Variants in PTPRM observed in about 807,000 individuals in gnomAD.
PTPRM encodes the protein receptor-type tyrosine-protein phosphatase mu.
PTPRM carries 47 observed loss-of-function variants against 186.7 expected under a neutral mutation model. The observed-to-expected ratio is 0.25, with a 90% CI of 0.20 to 0.32. The LOEUF (loss-of-function observed/expected upper bound fraction) is 0.32, where lower values mean the gene tolerates loss of function less well. Among genes scored for constraint, PTPRM ranks in the 10% least tolerant of loss-of-function variants. PTPRM has a pLI of 1.00. For missense variants in PTPRM, 1,494 were observed against 1,865.0 expected, an observed-to-expected ratio of 0.80 and a Z score of 3.66; for synonymous variants, 668 against 674.9, an observed-to-expected ratio of 0.99 and a Z score of 0.16.
intron 11 of PTPRM, among the ~76,000 whole-genome samples, chr18:8,108,485 G>T (rs897206469): frequency 1.4e-4 from 21 of 152,240 alleles, no homozygotes; most frequent in Non-Finnish European, 2.4e-4. Context: ...AACTCATCTT[G>T]AAATGAATTA....
intron 21 of PTPRM, among the ~76,000 whole-genome samples, chr18:8,317,868 A>G (rs1445475488): frequency 6.6e-6 from 1 of 152,200 alleles, no homozygotes; most frequent in South Asian, 2.1e-4. Context: ...GCCCTCGGAC[A>G]TATAGTATGG....
chr18:7,995,578 A>G (rs754796372), intron 7 of PTPRM: 2 of 152,202 alleles, frequency 1.3e-5, no homozygotes, highest in African/African-American at 2.4e-5. Flanking sequence ...CAAAGACTAT[A>G]CTTTCAGGGA....
At chr18:7,864,181 G>A (rs57737470) in intron 2 of PTPRM, among the ~76,000 whole-genome samples, 11,393 of 152,166 alleles carry the variant, frequency 0.075, 601 homozygotes, top group East Asian at 0.15. Context: ...ATTTTGCTGC[G>A]CAGAAGCTCT....
rs188147647 is a variant in PTPRM at position 8,357,455 on chromosome 18, C to T, written c.3055-13435C>T. Among the ~76,000 whole-genome samples the T allele has an allele frequency of 4.1e-4, 63 of 152,314 alleles. 3 individuals carry two copies. Among genetic ancestry groups the T allele is most frequent in the South Asian group, 6.2e-4 (3 of 4,828 alleles). ...CAATTTGTCAACTGCCACAATCAGT[C>T]GCACCCGGTGAGCACATTTCCGTGT... On this transcript the variant is annotated intron_variant, in intron 23 of 32. Transcript: ENST00000580170.
At chr18:8,149,997 G>A (rs1310348318) in intron 14 of PTPRM, among the ~76,000 whole-genome samples, 1 of 152,132 alleles carries the variant, frequency 6.6e-6, no homozygotes, top group East Asian at 1.9e-4. Context: ...TGACTTGTAG[G>A]GTTTCTGCAG....
intron 13 of PTPRM, among the ~76,000 whole-genome samples, chr18:8,136,060 T>C (rs2092630432): frequency 6.6e-6 from 1 of 152,146 alleles, no homozygotes; most frequent in South Asian, 2.1e-4. Flanking sequence ...AAAATACAAA[T>C]CTGGAAGAAA....
chr18:8,064,911 C>T (rs776024643), intron 7 of PTPRM, among the ~76,000 whole-genome samples: 1 of 152,158 alleles, frequency 6.6e-6, no homozygotes, highest in Non-Finnish European at 1.5e-5. Context: ...TATTTTGTCA[C>T]CCTCTAGTGT....
At chr18:7,996,426 G>A (rs1415464370) in intron 7 of PTPRM, among the ~76,000 whole-genome samples, 1 of 151,960 alleles carries the variant, frequency 6.6e-6, no homozygotes, top group Admixed American at 6.6e-5. Flanking sequence ...ATGACATACA[G>A]CTAACATCAT....
At chr18:7,983,747 A>G (rs1393846152) in intron 7 of PTPRM, among the ~76,000 whole-genome samples, 1 of 152,170 alleles carries the variant, frequency 6.6e-6, no homozygotes, top group African/African-American at 2.4e-5. Context: ...ACCTTCGTTG[A>G]GAAAATAATC....
At chr18:7,744,000 G>A (rs895779134) in intron 1 of PTPRM, among the ~76,000 whole-genome samples, 1 of 152,234 alleles carries the variant, frequency 6.6e-6, no homozygotes, top group Admixed American at 6.5e-5. Flanking sequence ...CACAATTAGT[G>A]GGAAAGCATC....
chr18:7,756,639 A>G (rs1275872476), intron 1 of PTPRM, among the ~76,000 whole-genome samples: 1 of 152,192 alleles, frequency 6.6e-6, no homozygotes, highest in Non-Finnish European at 1.5e-5. Context: ...AGGAGCATCC[A>G]TGGAATAGTC....
intron 1 of PTPRM, among the ~76,000 whole-genome samples, chr18:7,717,945 AG>A (rs2040372822): frequency 6.6e-6 from 1 of 152,110 alleles, no homozygotes; most frequent in South Asian, 2.1e-4. Context: ...CCCTCCCTTG[AG>A]GAGTTGAGAG....
chr18:7,671,453 C>A (rs1309075381), intron 1 of PTPRM, among the ~76,000 whole-genome samples: 5 of 152,110 alleles, frequency 3.3e-5, no homozygotes, highest in Non-Finnish European at 7.3e-5. Flanking sequence ...CACAGTCCAG[C>A]AGTTATTCAT....
chr18:7,955,545 CT>C, intron 7 of PTPRM, 131 bp downstream of exon 7: 2 of 1,072,824 alleles, frequency 1.9e-6, no homozygotes, highest in Non-Finnish European at 2.6e-6. Context: ...AGAAAATGCC[CT>C]TAGCCTGTGA....
At chr18:8,249,070 G>A (rs902596970) in intron 17 of PTPRM, among the ~76,000 whole-genome samples, 2 of 152,198 alleles carry the variant, frequency 1.3e-5, no homozygotes, top group South Asian at 2.1e-4. Flanking sequence ...TAACCTTTCC[G>A]AAAAGGAGCA....
intron 2 of PTPRM, among the ~76,000 whole-genome samples, chr18:7,798,678 A>ATT (rs2043798153): frequency 6.6e-6 from 1 of 152,102 alleles, no homozygotes; most frequent in East Asian, 1.9e-4. Flanking sequence ...TTTGTGCATG[A>ATT]TGTGAAATAA....
At chr18:8,388,668 A>C (rs2095793045) in intron 31 of PTPRM, among the ~76,000 whole-genome samples, 1 of 152,198 alleles carries the variant, frequency 6.6e-6, no homozygotes, top group African/African-American at 2.4e-5. Context: ...AGTGCATTAA[A>C]AAATCTCTGT....
At chr18:7,651,797 C>T (rs1359746179) in intron 1 of PTPRM, among the ~76,000 whole-genome samples, 2 of 151,790 alleles carry the variant, frequency 1.3e-5, no homozygotes, top group Non-Finnish European at 1.5e-5. Context: ...ACCATAAAAC[C>T]GCTAGAAGAA....
At chr18:8,263,384 C>G (rs1376603193) in intron 19 of PTPRM, among the ~76,000 whole-genome samples, 2 of 152,186 alleles carry the variant, frequency 1.3e-5, no homozygotes, top group African/African-American at 4.8e-5. Flanking sequence ...GCTAGGATAA[C>G]AGGTGTGAGC....
Sources: gnomAD v4.1 joint callset for allele counts (sites outside exome capture counted in the v4.1 genomes callset) on GRCh38, gnomAD v4.1.1 for gene constraint, MANE v1.5 for transcripts, NCBI Gene and HGNC (gene_info 2026-07-23, HGNC 2026-07-21) for gene names.